Variants in PLXNA2 observed in about 807,000 individuals in gnomAD.
PLXNA2 encodes the protein plexin-A2.
Under a neutral mutation model 193.5 loss-of-function variants are expected in PLXNA2, and 91 were observed. That is an observed-to-expected ratio of 0.47 (90% CI 0.40 to 0.56). The LOEUF (loss-of-function observed/expected upper bound fraction) is 0.56. PLXNA2 is among the 20% of genes least tolerant of loss of function. The pLI, the probability that PLXNA2 is intolerant of heterozygous loss-of-function variation, is 0.00. For missense variants in PLXNA2, 1,995 were observed against 2,503.2 expected, an observed-to-expected ratio of 0.80 and a Z score of 4.33; for synonymous variants, 997 against 1,027.3, an observed-to-expected ratio of 0.97 and a Z score of 0.56.
Position 208,210,402 on chromosome 1 carries a change from T to C in PLXNA2, c.1249A>G (p.Thr417Ala), listed in dbSNP as rs1165981785. The change falls in exon 3 of 32, where the codon ACT becomes GCT. Residue 417 changes from threonine to alanine, a missense_variant. Coordinates refer to ENST00000367033, the MANE Select transcript of PLXNA2 (RefSeq NM_025179.4). ...LDINQPLGGS[T>A]PVEGLTLYTT... is the part of the protein sequence containing the mutation. ...TACAGGGTCAGGCCCTCCACTGGAG[T>C]TGAGCCTCCCAGGGGCTGGTTGATG... 11 of 1,613,708 alleles carry C rather than the reference T, an allele frequency of 6.8e-6. No homozygotes were observed. Among genetic ancestry groups the C allele is most frequent in the African/African-American group, 2.7e-5 (2 of 74,794 alleles).
At chr1:208,145,567 TCA>T (rs1344046270) in intron 3 of PLXNA2, among the ~76,000 whole-genome samples, 3 of 152,168 alleles carry the variant, frequency 2.0e-5, no homozygotes, top group Non-Finnish European at 2.9e-5. Flanking sequence ...GCACACCAAG[TCA>T]GAAGAGAGAA....
At chr1:208,110,325 T>G (rs766201014) in intron 4 of PLXNA2, among the ~76,000 whole-genome samples, 2 of 152,186 alleles carry the variant, frequency 1.3e-5, no homozygotes, top group African/African-American at 2.4e-5. Context: ...AAGCAACACC[T>G]TAATCTCAAT....
At chr1:208,177,747 G>A (rs1028831945) in intron 3 of PLXNA2, among the ~76,000 whole-genome samples, 4 of 152,258 alleles carry the variant, frequency 2.6e-5, no homozygotes, top group Non-Finnish European at 4.4e-5. Context: ...CCCCAGAGCA[G>A]CAGCATCTGC....
chr1:208,177,968 C>T (rs1669711181), intron 3 of PLXNA2, among the ~76,000 whole-genome samples: 1 of 152,192 alleles, frequency 6.6e-6, no homozygotes, highest in African/African-American at 2.4e-5. Context: ...GATTTCAAAC[C>T]TCTTACTGCA....
intron 3 of PLXNA2, among the ~76,000 whole-genome samples, chr1:208,156,599 T>C (rs1668947903): frequency 6.6e-6 from 1 of 152,198 alleles, no homozygotes; most frequent in Non-Finnish European, 1.5e-5. Context: ...AAATCTTTTA[T>C]TAATCCATTT....
intron 3 of PLXNA2, among the ~76,000 whole-genome samples, chr1:208,168,676 T>C (rs1312584456): frequency 1.4e-5 from 2 of 143,450 alleles, no homozygotes; most frequent in African/African-American, 2.5e-5. Context: ...GACTAGGGAG[T>C]CTCTAAAAGG....
intron 27 of PLXNA2, among the ~76,000 whole-genome samples, chr1:208,034,278 C>A (rs1664601645): frequency 6.6e-6 from 1 of 152,160 alleles, no homozygotes. Context: ...GGATATCAAA[C>A]AAAGGGCACA....
At chr1:208,131,758 G>A (rs949846169) in intron 4 of PLXNA2, among the ~76,000 whole-genome samples, 1 of 152,176 alleles carries the variant, frequency 6.6e-6, no homozygotes, top group African/African-American at 2.4e-5. Flanking sequence ...TCCTTTGCCA[G>A]ACCGACGAGC....
chr1:208,046,561 A>AGTGTGT (rs146562998), intron 17 of PLXNA2, among the ~76,000 whole-genome samples: 1 of 149,000 alleles, frequency 6.7e-6, no homozygotes, highest in Non-Finnish European at 1.5e-5. Context: ...TGTGTGCATG[A>AGTGTGT]GTGTGTGTGT....
intron 4 of PLXNA2, among the ~76,000 whole-genome samples, chr1:208,118,592 G>A (rs1472048641): frequency 6.6e-6 from 1 of 152,148 alleles, no homozygotes; most frequent in Non-Finnish European, 1.5e-5. Flanking sequence ...CTCACCTGGA[G>A]GTTAGTGTGG....
chr1:208,241,506 A>T (rs1672050131), intron 1 of PLXNA2, among the ~76,000 whole-genome samples: 1 of 152,108 alleles, frequency 6.6e-6, no homozygotes, highest in Non-Finnish European at 1.5e-5. Context: ...GCTTTGAGGG[A>T]CCCCTGTCCT....
chr1:208,107,784 G>T (rs1457394577), intron 4 of PLXNA2, among the ~76,000 whole-genome samples: 1 of 152,018 alleles, frequency 6.6e-6, no homozygotes, highest in East Asian at 1.9e-4. Flanking sequence ...CTGGGATCTG[G>T]GGGTGGCTGG....
rs1357331200 is a variant in PLXNA2 at position 208,125,811 on chromosome 1, G to T, written c.1506+16518C>A. 2.6e-5 allele frequency among the ~76,000 whole-genome samples: 4 copies of T among 152,100 alleles called. No homozygotes were observed. The East Asian group carries it at 7.7e-4, about 29-fold the overall frequency. On this transcript the variant is annotated intron_variant, in intron 4 of 31. Transcript: ENST00000367033. ...GATAGGCTGCTTCCAACCTGCATCC[G>T]CTCCCCAAGTAGCTTAAAGCCTGAT...
intron 1 of PLXNA2, among the ~76,000 whole-genome samples, chr1:208,235,856 C>T (rs1361753854): frequency 6.6e-6 from 1 of 152,130 alleles, no homozygotes; most frequent in Non-Finnish European, 1.5e-5. Flanking sequence ...AACTTGACCC[C>T]CTGTGGGTCA....
At position 208,098,262 on chromosome 1, in the gene PLXNA2, G is replaced by A. The variant is rs115256266; in HGVS notation, c.1731+584C>T. Among the ~76,000 whole-genome samples, 560 of 152,250 alleles carry A rather than the reference G, an allele frequency of 3.7e-3. 6 individuals carry two copies. Among genetic ancestry groups the A allele is most frequent in the African/African-American group, 0.013 (534 of 41,570 alleles). ...GGTTCATTAACTAATTAACATTCGT[G>A]AATGCTCATAAAACCTTCAGAATGA... On this transcript the variant is annotated intron_variant, in intron 6 of 31. Coordinates refer to ENST00000367033, the MANE Select transcript of PLXNA2 (RefSeq NM_025179.4).
At chr1:208,226,896 A>T (rs1572054820) in intron 1 of PLXNA2, among the ~76,000 whole-genome samples, 1 of 152,198 alleles carries the variant, frequency 6.6e-6, no homozygotes, top group East Asian at 1.9e-4. Context: ...GGTCAGAAAG[A>T]ATTTCTCCAA....
chr1:208,084,116 A>C (rs1237434851), intron 10 of PLXNA2, among the ~76,000 whole-genome samples: 1 of 152,254 alleles, frequency 6.6e-6, no homozygotes. Flanking sequence ...AAAATTTAAA[A>C]TTTAAAAAAT....
At chr1:208,146,207 C>G (rs1384316075) in intron 3 of PLXNA2, among the ~76,000 whole-genome samples, 1 of 152,166 alleles carries the variant, frequency 6.6e-6, no homozygotes. Flanking sequence ...GGGCCTCAGG[C>G]CTCCTGGGTT....
intron 13 of PLXNA2, among the ~76,000 whole-genome samples, chr1:208,057,813 C>G (rs1665484203): frequency 6.6e-6 from 1 of 152,212 alleles, no homozygotes; most frequent in African/African-American, 2.4e-5. Context: ...TCCGGAGGCA[C>G]CTTAGTGCCA....
Sources: allele counts gnomAD v4.1 joint callset (sites outside exome capture counted in the v4.1 genomes callset), GRCh38; gene constraint gnomAD v4.1.1; transcripts MANE v1.5; gene names NCBI Gene and HGNC (gene_info 2026-07-23, HGNC 2026-07-21).